RPS6KC1: variants seen among roughly 807,000 people sequenced by gnomAD.
RPS6KC1 encodes the protein inactive ribosomal protein S6 kinase delta-1.
In RPS6KC1, 54 loss-of-function variants were observed where a neutral mutation model predicts 103.8. The ratio of observed to expected loss-of-function variants is 0.52; its 90% CI spans 0.42 to 0.65. The LOEUF is 0.65. Ranked by LOEUF, RPS6KC1 falls within the 30% of genes least tolerant of loss-of-function variation. RPS6KC1 has a pLI of 0.00. For missense variants in RPS6KC1, 1,151 were observed against 1,253.8 expected (o/e 0.92, Z 1.24); for synonymous variants, 439 against 438.7 (o/e 1.00, Z -0.01).
intron 8 of RPS6KC1, among the ~76,000 whole-genome samples, chr1:213,224,908 G>A (rs189333533): frequency 7.2e-5 from 11 of 152,276 alleles, no homozygotes; most frequent in African/African-American, 1.9e-4. Context: ...AGGTTGAAGC[G>A]TGTAAATTTG....
At chr1:213,539,889 G>A in the RPS6KC1 span, among the ~76,000 whole-genome samples, 1 of 152,110 alleles carries the variant, frequency 6.6e-6, no homozygotes, top group Non-Finnish European at 1.5e-5. Context: ...ACGTATAAAA[G>A]TTATATTTGC....
the RPS6KC1 span, among the ~76,000 whole-genome samples, chr1:213,659,820 G>T: frequency 2.0e-5 from 3 of 151,834 alleles, no homozygotes; most frequent in African/African-American, 7.3e-5. Flanking sequence ...GATCAATCAG[G>T]TTTTAAAAAA....
At position 213,133,867 on chromosome 1, in the gene RPS6KC1, C is replaced by A. The variant is rs193008490; in HGVS notation, c.835+3978C>A. Reference sequence around the variant, plus strand: ...TCGTATTGTGCTATGCTACTTCTCACATGTTCCTCCTAATTAGATTAGCAT... The same window carrying A: ...TCGTATTGTGCTATGCTACTTCTCAAATGTTCCTCCTAATTAGATTAGCAT... On this transcript the variant is annotated intron_variant, in intron 6 of 14. Coordinates refer to ENST00000366960, the MANE Select transcript of RPS6KC1 (RefSeq NM_012424.6). Among the ~76,000 whole-genome samples the A allele has an allele frequency of 1.2e-3, 184 of 152,298 alleles. 2 individuals are homozygous for A. The highest frequency in any genetic ancestry group is 9.7e-4 in the Non-Finnish European group (66 of 67,998).
At chr1:213,169,613 C>T (rs1029332141) in intron 7 of RPS6KC1, among the ~76,000 whole-genome samples, 8 of 151,706 alleles carry the variant, frequency 5.3e-5, no homozygotes, top group Admixed American at 2.0e-4. Context: ...TCCCATTTTC[C>T]GTGGGATTGA....
the RPS6KC1 span, among the ~76,000 whole-genome samples, chr1:213,686,510 C>G: frequency 6.6e-6 from 1 of 152,152 alleles, no homozygotes; most frequent in Admixed American, 6.5e-5. Context: ...AATGTCTAAA[C>G]TTGCCATCAT....
At chr1:213,088,848 T>C (rs1356778335) in intron 3 of RPS6KC1, among the ~76,000 whole-genome samples, 3 of 152,150 alleles carry the variant, frequency 2.0e-5, no homozygotes, top group Non-Finnish European at 2.9e-5. Flanking sequence ...CCAGGCTGAT[T>C]ATAGGATTAC....
chr1:213,297,056 C>T, the RPS6KC1 span, among the ~76,000 whole-genome samples: 1 of 152,128 alleles, frequency 6.6e-6, no homozygotes, highest in South Asian at 2.1e-4. Flanking sequence ...TCTCACAAAC[C>T]AACCAAAGCA....
the RPS6KC1 span, among the ~76,000 whole-genome samples, chr1:213,646,882 C>CATATATATAT: frequency 0.042 from 6,105 of 147,032 alleles, 154 homozygotes; most frequent in African/African-American, 0.052. Flanking sequence ...TGTGTGTATG[C>CATATATATAT]ATATATATAT....
At chr1:213,508,160 A>G in the RPS6KC1 span, among the ~76,000 whole-genome samples, 1 of 152,192 alleles carries the variant, frequency 6.6e-6, no homozygotes, top group Non-Finnish European at 1.5e-5. Flanking sequence ...GAAATCTATT[A>G]AATTTTTCAT....
chr1:213,663,699 G>A, the RPS6KC1 span, among the ~76,000 whole-genome samples: 1 of 151,982 alleles, frequency 6.6e-6, no homozygotes, highest in Non-Finnish European at 1.5e-5. Flanking sequence ...ATCCTTCCTC[G>A]AGCATGGAAA....
chr1:213,696,573 GA>G, the RPS6KC1 span, among the ~76,000 whole-genome samples: 1 of 148,040 alleles, frequency 6.8e-6, no homozygotes, highest in East Asian at 1.9e-4. Flanking sequence ...AAAAGGGAGA[GA>G]AAAAAGTTTG....
chr1:213,228,212 G>C (rs2094004863), intron 8 of RPS6KC1, among the ~76,000 whole-genome samples: 1 of 152,192 alleles, frequency 6.6e-6, no homozygotes, highest in African/African-American at 2.4e-5. Context: ...ATACTTGTTT[G>C]ATAAGTGCCT....
chr1:213,610,296 G>A, the RPS6KC1 span, among the ~76,000 whole-genome samples: 1 of 152,220 alleles, frequency 6.6e-6, no homozygotes, highest in Admixed American at 6.5e-5. Flanking sequence ...CCTGAAGAAA[G>A]GAGAAGTGAT....
the RPS6KC1 span, among the ~76,000 whole-genome samples, chr1:213,314,946 C>G: frequency 1.3e-5 from 2 of 152,056 alleles, no homozygotes; most frequent in Non-Finnish European, 2.9e-5. Context: ...GGTGTGCTTC[C>G]TTGCTTGAAA....
chr1:213,525,538 C>T, the RPS6KC1 span, among the ~76,000 whole-genome samples: 4 of 152,094 alleles, frequency 2.6e-5, no homozygotes, highest in African/African-American at 4.8e-5. Flanking sequence ...CTTAGATAAT[C>T]TTATCAGAGA....
chr1:213,518,320 C>T, the RPS6KC1 span, among the ~76,000 whole-genome samples: 1 of 152,112 alleles, frequency 6.6e-6, no homozygotes, highest in African/African-American at 2.4e-5. Context: ...CTTGATTATC[C>T]AGTTGGTTCT....
At chr1:213,333,519 T>A in the RPS6KC1 span, among the ~76,000 whole-genome samples, 1 of 152,172 alleles carries the variant, frequency 6.6e-6, no homozygotes, top group African/African-American at 2.4e-5. Context: ...TCTTGCGAGG[T>A]GCTCAGGGTC....
chr1:213,679,117 A>G, the RPS6KC1 span, among the ~76,000 whole-genome samples: 4 of 152,202 alleles, frequency 2.6e-5, no homozygotes, highest in South Asian at 8.3e-4. Flanking sequence ...AGGGGAAGGA[A>G]GTGAGAACTT....
At chr1:213,733,402 A>G in the RPS6KC1 span, among the ~76,000 whole-genome samples, 6 of 151,204 alleles carry the variant, frequency 4.0e-5, no homozygotes, top group Admixed American at 1.3e-4. Context: ...ACCACAGCCA[A>G]TTTTTTCTAT....
Sources: allele counts gnomAD v4.1 joint callset (sites outside exome capture counted in the v4.1 genomes callset), GRCh38; gene constraint gnomAD v4.1.1; transcripts MANE v1.5; gene names NCBI Gene and HGNC (gene_info 2026-07-23, HGNC 2026-07-21).